MYLK4: variants seen among roughly 807,000 people sequenced by gnomAD.
MYLK4 encodes the protein caMLCK like.
MYLK4 carries 46 observed loss-of-function variants against 48.1 expected under a neutral mutation model. The observed-to-expected ratio is 0.96, with a 90% CI of 0.75 to 1.22. MYLK4 has a LOEUF of 1.22. Ranked by LOEUF, MYLK4 falls within the 50% of genes most tolerant of loss-of-function variation. The pLI is 0.00. For synonymous variants in MYLK4, 170 were observed against 180.8 expected (o/e 0.94, Z 0.48); for missense variants, 451 against 486.1 (o/e 0.93, Z 0.68).
chr6:2,738,598 C>T (rs993786473), intron 2 of MYLK4, among the ~76,000 whole-genome samples: 5 of 152,184 alleles, frequency 3.3e-5, no homozygotes, highest in African/African-American at 1.2e-4. Context: ...TGTCACCTTG[C>T]AGTTGCAGAG....
intron 2 of MYLK4, among the ~76,000 whole-genome samples, chr6:2,705,071 A>C (rs9503261): frequency 0.18 from 27,200 of 152,184 alleles, 2,505 homozygotes; most frequent in Admixed American, 0.22. Context: ...TTCTGTTGTG[A>C]TTATGATTTA....
At position 2,664,141 on chromosome 6, in the gene MYLK4, C is replaced by A. The variant is rs3734502; in HGVS notation, c.*3784G>T. ...TCCCTTTAGGACAGACGGAAAGTTG[C>A]CTCCTGGTAAGAAAATTTCTTAATC... On this transcript the variant is annotated 3_prime_UTR_variant, in exon 13 of 13. Transcript: ENST00000274643. 60,884 of 152,078 alleles carry A rather than the reference C, an allele frequency of 0.4. 13,061 individuals are homozygous for A. The highest frequency in any genetic ancestry group is 0.59 in the South Asian group (2,859 of 4,822). The allele number at this position is 152,078 out of a possible 1,614,324, so 9.4% of individuals were successfully genotyped here. A position where few individuals can be genotyped will look rare whatever the true frequency, so the allele number is the denominator to read the frequency against.
chr6:2,695,640 T>C (rs1762032610), intron 2 of MYLK4, among the ~76,000 whole-genome samples: 1 of 152,260 alleles, frequency 6.6e-6, no homozygotes, highest in South Asian at 2.1e-4. Flanking sequence ...TTCATTTCCC[T>C]ATGTAATACT....
intron 2 of MYLK4, among the ~76,000 whole-genome samples, chr6:2,707,332 T>A (rs564388006): frequency 1.3e-5 from 2 of 152,196 alleles, no homozygotes; most frequent in African/African-American, 4.8e-5. Flanking sequence ...TCAGTTCAAT[T>A]TGGCATTTAA....
chr6:2,670,368 A>AAAACAAACAAACAAACAAAC (rs10612556), intron 12 of MYLK4, among the ~76,000 whole-genome samples: 1 of 150,634 alleles, frequency 6.6e-6, no homozygotes, highest in African/African-American at 2.5e-5. Flanking sequence ...TCTATCTCAA[A>AAAACAAACAAACAAACAAAC]AAACAAACAA....
rs1212153250 is a variant in MYLK4 at position 2,685,188 on chromosome 6, G to A, written c.545+108C>T. On this transcript the variant is annotated intron_variant, in intron 6 of 12. Transcript: ENST00000274643. The surrounding 1 kb of genome is among the most constrained non-coding windows in gnomAD (Gnocchi z 4.5). Reference sequence around the variant, plus strand: ...GATCCGCGCGAATCAGAGTCTGCGGGGGCGAGCTTGGTTCTGGTCCCGCTA... The same window carrying A: ...GATCCGCGCGAATCAGAGTCTGCGGAGGCGAGCTTGGTTCTGGTCCCGCTA... 5 of 759,030 alleles carry A rather than the reference G, an allele frequency of 6.6e-6. No individual in the cohort carries two copies. In the Admixed American group the frequency reaches 9.2e-5, roughly 14 times the overall value. The allele number at this position is 759,030 out of a possible 1,614,324, so 47.0% of individuals were successfully genotyped here.
At chr6:2,766,359 T>C in the MYLK4 span, 2 of 1,610,140 alleles carry the variant, frequency 1.2e-6, no homozygotes, top group Non-Finnish European at 1.7e-6. Flanking sequence ...AGCAAGGCCG[T>C]GGGCCAGGAT....
At chr6:2,725,585 GAGAAAGAA>G (rs372499443) in intron 2 of MYLK4, among the ~76,000 whole-genome samples, 3 of 101,858 alleles carry the variant, frequency 2.9e-5, no homozygotes, top group South Asian at 5.9e-4. Context: ...GAAAAAGAAA[GAGAAAGAA>G]AGAAAGAAAG....
At chr6:2,769,940 A>G in the MYLK4 span, among the ~76,000 whole-genome samples, 1 of 152,226 alleles carries the variant, frequency 6.6e-6, no homozygotes, top group African/African-American at 2.4e-5. Context: ...TCAGACTTAA[A>G]AGCAAGAGTT....
intron 12 of MYLK4, among the ~76,000 whole-genome samples, chr6:2,670,808 C>G (rs1582020590): frequency 6.6e-6 from 1 of 152,094 alleles, no homozygotes; most frequent in Non-Finnish European, 1.5e-5. Context: ...CCCGAGGGAA[C>G]CACACTCCAC....
At chr6:2,692,953 G>A in intron 2 of MYLK4, 94 bp from the exon 3 acceptor site, 1 of 1,144,192 alleles carries the variant, frequency 8.7e-7, no homozygotes, top group Non-Finnish European at 1.3e-6. Context: ...GATTCCGTGT[G>A]GTGGGGAATG....
intron 12 of MYLK4, among the ~76,000 whole-genome samples, chr6:2,670,280 C>T (rs1360635971): frequency 6.6e-6 from 1 of 152,118 alleles, no homozygotes; most frequent in Non-Finnish European, 1.5e-5. Flanking sequence ...GCAGGAGAAT[C>T]GCTTGAACCT....
intron 2 of MYLK4, among the ~76,000 whole-genome samples, chr6:2,739,467 T>G (rs1489135555): frequency 6.6e-6 from 1 of 152,210 alleles, no homozygotes; most frequent in Non-Finnish European, 1.5e-5. Context: ...GTCCCTAATC[T>G]TTGAGTTACA....
In MYLK4 at chr6:2,683,077, T is replaced by A; in HGVS notation, c.631A>T (p.Ile211Leu). 6.2e-7 allele frequency: 1 copy of A among 1,614,116 alleles called. No individual in the cohort carries two copies. The highest frequency in any genetic ancestry group is 8.5e-7 in the Non-Finnish European group (1 of 1,180,016). Residue 211 changes from isoleucine to leucine, a missense_variant, in exon 7 of 13, where the codon ATA becomes TTA. Physicochemically the swap from Ile to Leu is conservative, Grantham distance 5 (BLOSUM62 2). Transcript: ENST00000274643. ...TGCATGTGCCTTATCCCCTCACATA[T>A]CTGCTTCATGAACAGGATGGTATCA... is the stretch of plus-strand genomic sequence containing the variant. ...ELDTILFMKQ[I>L]CEGIRHMHQM...
intron 2 of MYLK4, among the ~76,000 whole-genome samples, chr6:2,733,872 C>A (rs145401150): frequency 1.3e-4 from 20 of 152,186 alleles, no homozygotes; most frequent in African/African-American, 4.8e-4. Flanking sequence ...ACTAGGGGAA[C>A]CTCGCAATCT....
At chr6:2,733,902 C>T (rs1471644807) in intron 2 of MYLK4, among the ~76,000 whole-genome samples, 2 of 152,076 alleles carry the variant, frequency 1.3e-5, no homozygotes, top group African/African-American at 4.8e-5. Flanking sequence ...CCTAGTACCC[C>T]AGGTGATTCT....
chr6:2,668,849 C>A (rs1561825371), intron 12 of MYLK4, among the ~76,000 whole-genome samples: 1 of 152,046 alleles, frequency 6.6e-6, no homozygotes, highest in Non-Finnish European at 1.5e-5. Flanking sequence ...GCAGGAGGAT[C>A]ACTTGAGCTC....
chr6:2,768,590 G>C, the MYLK4 span: 10 of 982,760 alleles, frequency 1.0e-5, no homozygotes, highest in South Asian at 2.3e-4. Flanking sequence ...AGGTCAAGTT[G>C]CTTTTGGTAA....
chr6:2,707,642 A>G (rs1315975867), intron 2 of MYLK4, among the ~76,000 whole-genome samples: 1 of 152,232 alleles, frequency 6.6e-6, no homozygotes, highest in Non-Finnish European at 1.5e-5. Flanking sequence ...ACATTTTATG[A>G]ATTCGACTTT....
Sources: gnomAD v4.1 joint callset for allele counts (sites outside exome capture counted in the v4.1 genomes callset) on GRCh38, gnomAD v4.1.1 for gene constraint, Gnocchi (gnomAD v3.1) non-coding constraint, MANE v1.5 for transcripts, NCBI Gene and HGNC (gene_info 2026-07-23, HGNC 2026-07-21) for gene names.